The following BCOR variants were observed in gnomAD, a reference collection of about 807,000 sequenced individuals.
The protein encoded by BCOR is BCL6 corepressor.
Under a neutral mutation model 86.7 loss-of-function variants are expected in BCOR, and 10 were observed. The ratio of observed to expected loss-of-function variants is 0.12; its 90% CI spans 0.07 to 0.20. The LOEUF (loss-of-function observed/expected upper bound fraction) is 0.20. Ranked by LOEUF, BCOR falls within the 10% of genes least tolerant of loss-of-function variation. The probability of loss-of-function intolerance (pLI) is 1.00; values close to 1 mark genes in which losing one functional copy is unlikely to be tolerated. For synonymous variants in BCOR, 611 were observed against 609.0 expected, an observed-to-expected ratio of 1.00 and a Z score of -0.05; for missense variants, 1,259 against 1,452.1, an observed-to-expected ratio of 0.87 and a Z score of 2.16.
intron 6 of BCOR, among the ~76,000 whole-genome samples, chrX:40,067,503 C>T (rs751829455): frequency 9.8e-5 from 11 of 112,299 alleles, no homozygotes; most frequent in Non-Finnish European, 1.7e-4. Context: ...CCTTCTGCCT[C>T]CTGAATAGTC....
chrX:40,173,732 C>G (rs184203671), intron 1 of BCOR, among the ~76,000 whole-genome samples: 1 of 112,275 alleles, frequency 8.9e-6, no homozygotes, highest in African/African-American at 3.2e-5. Context: ...TGGGGAAGAG[C>G]GCTGGTTTCC....
At chrX:40,081,394 G>C (rs775177589) in intron 1 of BCOR, among the ~76,000 whole-genome samples, 4 of 112,247 alleles carry the variant, frequency 3.6e-5, no homozygotes, top group Non-Finnish European at 7.5e-5. Flanking sequence ...GCAAAGTATA[G>C]GGACATCAAA....
intron 1 of BCOR, among the ~76,000 whole-genome samples, chrX:40,152,524 G>A (rs1345629417): frequency 8.8e-6 from 1 of 113,182 alleles, no homozygotes; most frequent in Non-Finnish European, 1.9e-5. Flanking sequence ...CAGCAGCACA[G>A]GCACACTGTA....
In BCOR at chrX:40,073,913, G is replaced by A. The variant is rs1296402443; in HGVS notation, c.1433C>T (p.Ser478Phe). 8.2e-7 allele frequency: 1 copy of A among 1,212,339 alleles called. No homozygotes were observed. Among genetic ancestry groups the A allele is most frequent in the Non-Finnish European group, 1.1e-6 (1 of 895,639 alleles). ...TGTTTCTTTCGGAATCTCACTTCCG[G>A]AGAGCACTAAGCCACTTCCAGCCCT... ...HSRAGSGLVLSGSEIPKETLS... is the reference protein window; with the variant it reads ...HSRAGSGLVLFGSEIPKETLS... The change falls in exon 4 of 15, where the codon TCC (serine) becomes TTC (phenylalanine). Residue 478 changes from serine (S) to phenylalanine (F), a missense_variant. Coordinates refer to ENST00000378444, the MANE Select transcript of BCOR (RefSeq NM_001123385.2).
rs549639065 is a variant in BCOR at position 40,159,891 on chromosome X, A to G, written c.-41+17116T>C. Among the ~76,000 whole-genome samples, 4 of 111,479 alleles carry G rather than the reference A, an allele frequency of 3.6e-5. No individual in the cohort carries two copies. The South Asian group carries it at 1.5e-3, about 41-fold the overall frequency. ...ATTAGGCAAATATAAAAATGAGGCA[A>G]TTATTAACTCCAGGAAAAAAAAATC... On this transcript the variant is annotated intron_variant, in intron 1 of 14. Transcript: ENST00000342274.
intron 1 of BCOR, among the ~76,000 whole-genome samples, chrX:40,137,163 T>C (rs897500276): frequency 8.9e-6 from 1 of 112,677 alleles, no homozygotes; most frequent in African/African-American, 3.2e-5. Flanking sequence ...TTAAATTATA[T>C]GGCAGATACA....
At chrX:40,067,459 T>C (rs1935259486) in intron 6 of BCOR, among the ~76,000 whole-genome samples, 1 of 111,249 alleles carries the variant, frequency 9.0e-6, no homozygotes, top group Admixed American at 9.5e-5. Flanking sequence ...CTCCTCCAAG[T>C]CCCCACCATT....
Position 40,064,333 on chromosome X carries a change from C to T in BCOR, c.3502+3G>A. 2 of 1,212,416 alleles carry T rather than the reference C, an allele frequency of 1.6e-6. No homozygotes were observed. The highest frequency in any genetic ancestry group is 2.2e-6 in the Non-Finnish European group (2 of 895,672). ...GCAGGCGGGCGAAGCAGACAGGGCTCACCTTTAGAGACTCGTCGGCGTTTG... is the reference window on the plus strand; with the variant it reads ...GCAGGCGGGCGAAGCAGACAGGGCTTACCTTTAGAGACTCGTCGGCGTTTG... On this transcript the variant is annotated splice_donor_region_variant and intron_variant, in intron 7 of 14. Transcript: ENST00000378444.
chrX:40,126,520 G>A lies in BCOR; in HGVS notation c.-40-48551C>T, dbSNP rs1241038199. ...AGCTCGGGCAACAAGGCAAAATTCC[G>A]TCAAAAAAAAAAAAAAAGAAAAGAA... On this transcript the variant is annotated intron_variant, in intron 1 of 14. Transcript: ENST00000342274. Among the ~76,000 whole-genome samples, 11 of 76,257 alleles carry A rather than the reference G, an allele frequency of 1.4e-4. No homozygotes were observed. The South Asian group carries it at 2.1e-3, about 15-fold the overall frequency. The allele number at this position is 76,257 out of a possible 115,157, so 66.2% of individuals were successfully genotyped here.
At chrX:40,065,222 AACCCAGGCAG>A (rs1355810792) in intron 6 of BCOR, among the ~76,000 whole-genome samples, 1 of 112,315 alleles carries the variant, frequency 8.9e-6, no homozygotes, top group Non-Finnish European at 1.9e-5. Flanking sequence ...GGAGGCAGGG[AACCCAGGCAG>A]ACCCAGGCTG....
rs927011836 is a variant in BCOR at position 40,152,658 on chromosome X, A to AC, written c.-41+24348dup. Among the ~76,000 whole-genome samples the AC allele has an allele frequency of 3.7e-4, 42 of 112,106 alleles. 1 individual carries two copies. In the East Asian group the frequency reaches 0.011, roughly 29 times the overall value. ...CCTAGGGGAAGGGGGTCCCCACCCC[A>AC]CCCCCAGGCCACCCGGGCCCCGGAG... On this transcript the variant is annotated intron_variant, in intron 1 of 14. Transcript: ENST00000342274.
chrX:40,168,980 G>A (rs915391487), intron 1 of BCOR, among the ~76,000 whole-genome samples: 23 of 112,651 alleles, frequency 2.0e-4, no homozygotes, highest in African/African-American at 6.1e-4. Flanking sequence ...CGGCCTGGGG[G>A]CTCTGGGAAC....
chrX:40,127,822 A>G (rs1320880221), intron 1 of BCOR, among the ~76,000 whole-genome samples: 1 of 108,581 alleles, frequency 9.2e-6, no homozygotes, highest in Non-Finnish European at 1.9e-5. Flanking sequence ...GCAGTGAGCT[A>G]TGATCATGCC....
chrX:40,105,455 C>T (rs751518044), intron 1 of BCOR, among the ~76,000 whole-genome samples: 2 of 112,147 alleles, frequency 1.8e-5, no homozygotes, highest in South Asian at 3.7e-4. Flanking sequence ...TCCCTCCTCG[C>T]CCCAGGCGAC....
intron 1 of BCOR, among the ~76,000 whole-genome samples, chrX:40,089,241 T>C (rs1450872184): frequency 4.5e-5 from 5 of 111,764 alleles, no homozygotes; most frequent in African/African-American, 1.6e-4. Flanking sequence ...TGGATAATTA[T>C]TCCCAGTCTT....
intron 1 of BCOR, chrX:40,176,903 C>T (rs746717223): frequency 9.0e-5 from 10 of 111,479 alleles, no homozygotes; most frequent in African/African-American, 3.3e-4. Flanking sequence ...AATTTTTGCT[C>T]TGACGCGGGG....
upstream of BCOR, among the ~76,000 whole-genome samples, chrX:40,102,321 C>T (rs1173274374): frequency 8.9e-6 from 1 of 112,288 alleles, no homozygotes; most frequent in Non-Finnish European, 1.9e-5. Context: ...TCCCCGAACA[C>T]AGGCACGTGT....
rs138070467 is a variant in BCOR, at chrX:40,166,271, C to T, written c.-41+10736G>A. On this transcript the variant is annotated intron_variant, in intron 1 of 14. Coordinates refer to the BCOR transcript ENST00000342274. ...TTCACAGTTTAGTAAGGGAGACAGA[C>T]TGCAACACAGTGGGACAGCAGCTCT... 8.1e-3 allele frequency among the ~76,000 whole-genome samples: 906 copies of T among 112,358 alleles called. 6 individuals carry two copies. Among genetic ancestry groups the T allele is most frequent in the African/African-American group, 0.028 (861 of 30,910 alleles).
At chrX:40,156,780 C>T (rs185135736) in intron 1 of BCOR, among the ~76,000 whole-genome samples, 1 of 113,570 alleles carries the variant, frequency 8.8e-6, no homozygotes, top group Non-Finnish European at 1.9e-5. Context: ...CAGGCCCCAG[C>T]CTGGTACGCT....
Sources: gnomAD v4.1 joint callset for allele counts (sites outside exome capture counted in the v4.1 genomes callset) on GRCh38, gnomAD v4.1.1 for gene constraint, MANE v1.5 for transcripts, NCBI Gene and HGNC (gene_info 2026-07-23, HGNC 2026-07-21) for gene names.